ELP4: variants seen among roughly 807,000 people sequenced by gnomAD.
The protein encoded by ELP4 is elongator acetyltransferase complex subunit 4.
In ELP4, 51 loss-of-function variants were observed where a neutral mutation model predicts 48.9. That is an observed-to-expected ratio of 1.04 (90% CI 0.83 to 1.32). ELP4 has a LOEUF of 1.32. Ranked by LOEUF, ELP4 falls within the 40% of genes most tolerant of loss-of-function variation. The pLI is 0.00. For missense variants in ELP4, 519 were observed against 514.6 expected (o/e 1.01, Z -0.08); for synonymous variants, 210 against 189.2 (o/e 1.11, Z -0.90).
At chr11:31,616,103 A>C (rs192544150) in intron 5 of ELP4, among the ~76,000 whole-genome samples, 7 of 152,220 alleles carry the variant, frequency 4.6e-5, no homozygotes, top group Admixed American at 4.6e-4. Flanking sequence ...ACTAAAACTC[A>C]AGGGACCCCA....
At chr11:31,757,780 T>G (rs1452104026) in intron 9 of ELP4, among the ~76,000 whole-genome samples, 1 of 152,136 alleles carries the variant, frequency 6.6e-6, no homozygotes, top group East Asian at 1.9e-4. Context: ...TTTGCTCAAA[T>G]TTTGGTTCTA....
At chr11:31,771,948 C>T (rs1948153192) in intron 9 of ELP4, among the ~76,000 whole-genome samples, 1 of 151,862 alleles carries the variant, frequency 6.6e-6, no homozygotes, top group East Asian at 1.9e-4. Flanking sequence ...TGCCACTGCA[C>T]TCCAGCCTGG....
At chr11:31,737,744 T>G (rs1169198328) in intron 9 of ELP4, among the ~76,000 whole-genome samples, 1 of 152,018 alleles carries the variant, frequency 6.6e-6, no homozygotes, top group African/African-American at 2.4e-5. Context: ...AGAATCACAA[T>G]AGTCAAGGAG....
chr11:31,781,488 C>CTTTTTTT (rs141365629), intron 9 of ELP4, among the ~76,000 whole-genome samples: 4 of 67,436 alleles, frequency 5.9e-5, no homozygotes, highest in East Asian at 4.6e-4. Context: ...ATTCCTGAGC[C>CTTTTTTT]TTTTTTTTTT....
At chr11:31,559,674 C>A (rs979469096) in intron 3 of ELP4, among the ~76,000 whole-genome samples, 3 of 152,016 alleles carry the variant, frequency 2.0e-5, no homozygotes. Context: ...GAGGCTGAGG[C>A]GGGCAGATCA....
At chr11:31,724,264 C>T (rs1947028050) in intron 9 of ELP4, among the ~76,000 whole-genome samples, 1 of 152,140 alleles carries the variant, frequency 6.6e-6, no homozygotes, top group South Asian at 2.1e-4. Flanking sequence ...GCGTGTCAAC[C>T]AACATCTTAC....
chr11:31,699,153 T>C (rs936892062), intron 9 of ELP4, among the ~76,000 whole-genome samples: 3 of 152,132 alleles, frequency 2.0e-5, no homozygotes, highest in East Asian at 1.9e-4. Context: ...TACCCAAATA[T>C]TGGTTTCTGA....
chr11:31,725,579 G>A (rs1423916390), intron 9 of ELP4, among the ~76,000 whole-genome samples: 1 of 152,172 alleles, frequency 6.6e-6, no homozygotes, highest in Non-Finnish European at 1.5e-5. Context: ...CATCTTGCAA[G>A]CTTGGCCAGA....
chr11:31,582,408 T>C (rs964675924), intron 3 of ELP4, among the ~76,000 whole-genome samples: 2 of 152,236 alleles, frequency 1.3e-5, no homozygotes, highest in African/African-American at 4.8e-5. Flanking sequence ...ATTATTTTTT[T>C]CGCAAATCTG....
In ELP4 at chr11:31,577,171, A is replaced by G. The variant is rs142857091; in HGVS notation, c.382-17599A>G. 8.9e-3 allele frequency among the ~76,000 whole-genome samples: 1,360 copies of G among 152,334 alleles called. 26 individuals are homozygous for G. Among genetic ancestry groups the G allele is most frequent in the African/African-American group, 0.031 (1,309 of 41,578 alleles). Reference sequence around the variant, plus strand: ...ACTATAAACACCTCTACGCAAATAAACTAGAAAATCTAGAAGAAATGGATA... The same window carrying G: ...ACTATAAACACCTCTACGCAAATAAGCTAGAAAATCTAGAAGAAATGGATA... On this transcript the variant is annotated intron_variant, in intron 3 of 9. Coordinates refer to ENST00000640961, the MANE Select transcript of ELP4 (RefSeq NM_019040.5).
At chr11:31,536,263 A>T (rs555374007) in intron 2 of ELP4, among the ~76,000 whole-genome samples, 1 of 151,878 alleles carries the variant, frequency 6.6e-6, no homozygotes, top group Non-Finnish European at 1.5e-5. Flanking sequence ...TTCAACTCTC[A>T]TGGGTAAGTA....
At chr11:31,684,779 C>T (rs961990670) in intron 9 of ELP4, among the ~76,000 whole-genome samples, 2 of 152,040 alleles carry the variant, frequency 1.3e-5, no homozygotes, top group African/African-American at 4.8e-5. Flanking sequence ...TTCTTCACAG[C>T]GTAAACAAAA....
In ELP4 at chr11:31,683,468, T is replaced by C. The variant is rs946104673; in HGVS notation, c.1143+33247T>C. Among the ~76,000 whole-genome samples, 21 of 152,208 alleles carry C rather than the reference T, an allele frequency of 1.4e-4. 1 individual carries two copies. Among genetic ancestry groups the C allele is most frequent in the Admixed American group, 1.2e-3 (19 of 15,278 alleles). ...TCAAATTGGCAAATTGAGTGTATTA[T>C]TTTGAATTTTACTGCAGGACAGATG... On this transcript the variant is annotated intron_variant, in intron 9 of 9. Transcript: ENST00000640961.
At chr11:31,697,555 A>T (rs1354949029) in intron 9 of ELP4, among the ~76,000 whole-genome samples, 1 of 152,166 alleles carries the variant, frequency 6.6e-6, no homozygotes, top group Non-Finnish European at 1.5e-5. Flanking sequence ...ACTTTTAATG[A>T]TGATGACATT....
At chr11:31,563,753 T>G (rs996210124) in intron 3 of ELP4, among the ~76,000 whole-genome samples, 1 of 152,160 alleles carries the variant, frequency 6.6e-6, no homozygotes, top group Non-Finnish European at 1.5e-5. Context: ...TTTTATTTAT[T>G]CATGACCCTT....
At chr11:31,539,916 T>A (rs1956565972) in intron 3 of ELP4, 133 bp downstream of exon 3, 10 of 666,680 alleles carry the variant, frequency 1.5e-5, no homozygotes, top group South Asian at 1.2e-4. Flanking sequence ...ATACATTTTT[T>A]AAAATCTCAG....
At chr11:31,523,702 T>C (rs1956252511) in intron 2 of ELP4, among the ~76,000 whole-genome samples, 1 of 151,930 alleles carries the variant, frequency 6.6e-6, no homozygotes, top group Admixed American at 6.6e-5. Context: ...TTTAAGATGG[T>C]TGTCAATTAA....
At chr11:31,658,684 G>A (rs1336142458) in intron 9 of ELP4, among the ~76,000 whole-genome samples, 1 of 151,730 alleles carries the variant, frequency 6.6e-6, no homozygotes, top group Non-Finnish European at 1.5e-5. Context: ...TTTGCTTATA[G>A]CTAATCAACC....
intron 3 of ELP4, among the ~76,000 whole-genome samples, chr11:31,562,230 A>G (rs1957035285): frequency 6.6e-6 from 1 of 152,210 alleles, no homozygotes; most frequent in South Asian, 2.1e-4. Flanking sequence ...CTAATACAAT[A>G]TTTTTAAATA....
Sources: gnomAD v4.1 joint callset for allele counts (sites outside exome capture counted in the v4.1 genomes callset) on GRCh38, gnomAD v4.1.1 for gene constraint, MANE v1.5 for transcripts, NCBI Gene and HGNC (gene_info 2026-07-23, HGNC 2026-07-21) for gene names.